SEMA3A: variants seen among roughly 807,000 people sequenced by gnomAD.
SEMA3A encodes semaphorin 3A.
In SEMA3A, 29 loss-of-function variants were observed where a neutral mutation model predicts 97.9. That is an observed-to-expected ratio of 0.30 (90% CI 0.22 to 0.40). SEMA3A has a LOEUF of 0.40. Among genes scored for constraint, SEMA3A ranks in the 10% least tolerant of loss-of-function variants. The probability of loss-of-function intolerance (pLI) is 1.00; values close to 1 mark genes in which losing one functional copy is unlikely to be tolerated. For synonymous variants in SEMA3A, 321 were observed against 323.7 expected, an observed-to-expected ratio of 0.99 and a Z score of 0.09; for missense variants, 763 against 951.3, an observed-to-expected ratio of 0.80 and a Z score of 2.60.
intron 1 of SEMA3A, among the ~76,000 whole-genome samples, chr7:84,150,443 CGG>C: frequency 6.6e-6 from 1 of 152,252 alleles, no homozygotes; most frequent in East Asian, 1.9e-4. Flanking sequence ...GCAAGGGGTC[CGG>C]GAGTTCCCTT....
chr7:84,020,799 C>T (rs945208004), intron 6 of SEMA3A, among the ~76,000 whole-genome samples: 3 of 152,020 alleles, frequency 2.0e-5, no homozygotes, highest in South Asian at 2.1e-4. Context: ...TATTATTTTA[C>T]AGTAATATTT....
At chr7:84,049,257 C>T (rs62473934) in intron 5 of SEMA3A, among the ~76,000 whole-genome samples, 25,327 of 151,906 alleles carry the variant, frequency 0.17, 2,689 homozygotes, top group Non-Finnish European at 0.23. Context: ...CTGGAGGGTA[C>T]CAGATGATTA....
chr7:84,379,844 A>G (rs549511572), intron 1 of SEMA3A, among the ~76,000 whole-genome samples: 10 of 152,274 alleles, frequency 6.6e-5, no homozygotes, highest in African/African-American at 2.2e-4. Flanking sequence ...TCAATTAGGG[A>G]CAATTTGTTA....
chr7:84,207,647 A>G (rs890440838), intron 3 of SEMA3A, among the ~76,000 whole-genome samples: 2 of 152,204 alleles, frequency 1.3e-5, no homozygotes. Flanking sequence ...TATAGGTTTG[A>G]CAAAAATGGC....
At chr7:84,242,685 G>A (rs1289121204) in intron 3 of SEMA3A, among the ~76,000 whole-genome samples, 1 of 152,088 alleles carries the variant, frequency 6.6e-6, no homozygotes, top group South Asian at 2.1e-4. Context: ...AATAGGAGTG[G>A]TAAGAGAGGG....
intron 1 of SEMA3A, among the ~76,000 whole-genome samples, chr7:84,407,251 C>A (rs1190788102): frequency 6.6e-6 from 1 of 151,324 alleles, no homozygotes; most frequent in Non-Finnish European, 1.5e-5. Flanking sequence ...TTTTTATACA[C>A]CAATAACAGA....
At chr7:84,123,227 T>C (rs1795681055) in intron 3 of SEMA3A, among the ~76,000 whole-genome samples, 1 of 152,182 alleles carries the variant, frequency 6.6e-6, no homozygotes, top group Admixed American at 6.6e-5. Context: ...GAAATGTTAC[T>C]GTGTATAACC....
intron 1 of SEMA3A, among the ~76,000 whole-genome samples, chr7:84,400,189 A>G (rs938079379): frequency 5.9e-5 from 9 of 152,164 alleles, no homozygotes; most frequent in African/African-American, 2.2e-4. Context: ...ACAAGACCAG[A>G]CTGTGAAGAC....
intron 3 of SEMA3A, among the ~76,000 whole-genome samples, chr7:84,250,070 A>G (rs1218315821): frequency 6.6e-6 from 1 of 151,988 alleles, no homozygotes; most frequent in Non-Finnish European, 1.5e-5. Context: ...GTCTTCAGAC[A>G]TCATATTGCA....
intron 12 of SEMA3A, among the ~76,000 whole-genome samples, chr7:83,986,996 G>GCACA (rs1297985735): frequency 6.7e-6 from 1 of 149,586 alleles, no homozygotes; most frequent in Admixed American, 6.7e-5. Context: ...ACACCCACAC[G>GCACA]CACACACACA....
At chr7:84,014,052 C>G (rs1790992723) in intron 7 of SEMA3A, among the ~76,000 whole-genome samples, 157 bp downstream of exon 7, 1 of 152,122 alleles carries the variant, frequency 6.6e-6, no homozygotes, top group Non-Finnish European at 1.5e-5. Context: ...TACTCATAAC[C>G]AACTATAATA....
At chr7:84,150,482 CG>C (rs1158655629) in intron 1 of SEMA3A, among the ~76,000 whole-genome samples, 2 of 152,148 alleles carry the variant, frequency 1.3e-5, no homozygotes, top group African/African-American at 2.4e-5. Context: ...GGGTGACGGA[CG>C]GCACCTGGAG....
At chr7:84,254,963 A>C (rs986557990) in intron 3 of SEMA3A, among the ~76,000 whole-genome samples, 6 of 152,122 alleles carry the variant, frequency 3.9e-5, no homozygotes, top group Non-Finnish European at 7.4e-5. Flanking sequence ...TACTTCATTT[A>C]AGAAGAATGT....
Position 84,091,167 on chromosome 7 carries a change from GGAAAGAAA to G in SEMA3A, c.453+19295_453+19302del, listed in dbSNP as rs1165324789. On this transcript the variant is annotated intron_variant, in intron 4 of 16. Transcript: ENST00000265362. ...AGGAAGGAAGGAAGGAAGGAAGGAA[GGAAAGAAA>G]GAAAGAAAGAAAGAAAGAAAGAAAG... Among the ~76,000 whole-genome samples, 255 of 42,870 alleles carry G rather than the reference GGAAAGAAA, an allele frequency of 5.9e-3. 4 individuals carry two copies. The highest frequency in any genetic ancestry group is 0.041 in the Middle Eastern group (3 of 74). The allele number at this position is 42,870 out of a possible 152,430, so 28.1% of individuals were successfully genotyped here.
chr7:84,244,307 GC>G (rs1474634111), intron 3 of SEMA3A, among the ~76,000 whole-genome samples: 4 of 152,120 alleles, frequency 2.6e-5, no homozygotes, highest in African/African-American at 9.7e-5. Flanking sequence ...AGGATAGTTA[GC>G]TCTTCTTGTT....
chr7:83,978,297 C>A (rs1789251955), intron 14 of SEMA3A, among the ~76,000 whole-genome samples: 1 of 152,134 alleles, frequency 6.6e-6, no homozygotes, highest in Non-Finnish European at 1.5e-5. Flanking sequence ...TTATAAAAAT[C>A]AAACGATTTC....
At chr7:84,394,912 GGT>G (rs1451838041) in intron 1 of SEMA3A, among the ~76,000 whole-genome samples, 1 of 152,070 alleles carries the variant, frequency 6.6e-6, no homozygotes, top group Admixed American at 6.6e-5. Flanking sequence ...CTAGGAATGA[GGT>G]GTACTCAAAA....
At chr7:84,170,731 CT>C (rs1285952649) in intron 1 of SEMA3A, among the ~76,000 whole-genome samples, 3 of 151,832 alleles carry the variant, frequency 2.0e-5, no homozygotes, top group African/African-American at 7.3e-5. Flanking sequence ...ACAATTGATC[CT>C]CATGAAAAGC....
intron 2 of SEMA3A, among the ~76,000 whole-genome samples, chr7:84,368,036 T>C (rs75409785): frequency 0.031 from 4,744 of 151,338 alleles, 212 homozygotes; most frequent in East Asian, 0.14. Context: ...AAGGATGTTG[T>C]AACTTGAGTA....
Sources: allele counts gnomAD v4.1 joint callset (sites outside exome capture counted in the v4.1 genomes callset), GRCh38; gene constraint gnomAD v4.1.1; transcripts MANE v1.5; gene names NCBI Gene and HGNC (gene_info 2026-07-23, HGNC 2026-07-21).